KIAA1191: variants seen among roughly 807,000 people sequenced by gnomAD.
KIAA1191 encodes the protein putative monooxygenase p33MONOX.
KIAA1191 carries 22 observed loss-of-function variants against 31.1 expected under a neutral mutation model. That is an observed-to-expected ratio of 0.71 (90% CI 0.51 to 1.01). The LOEUF (loss-of-function observed/expected upper bound fraction) is 1.01, where lower values mean the gene tolerates loss of function less well. Ranked by LOEUF, KIAA1191 falls within the 50% of genes least tolerant of loss-of-function variation. The pLI is 0.00. For synonymous variants in KIAA1191, 130 were observed against 143.9 expected (o/e 0.90, Z 0.69); for missense variants, 319 against 388.0 (o/e 0.82, Z 1.49).
Position 176,348,373 on chromosome 5 carries a change from GAA to G in KIAA1191, c.460-19_460-18del. On this transcript the variant is annotated intron_variant, in intron 6 of 8. Transcript: ENST00000298569. ...CTTTAGTTTCTGCTCAGATGGGTAA[GAA>G]GAGAGACTTTTTAAAAATGAAAGCA... 6.3e-7 allele frequency: 1 copy of G among 1,583,542 alleles called. No homozygotes were observed. The highest frequency in any genetic ancestry group is 1.4e-5 in the African/African-American group (1 of 73,970).
intron 4 of KIAA1191, chr5:176,354,170 C>T (rs1767292921): frequency 6.6e-6 from 1 of 152,300 alleles, no homozygotes; most frequent in African/African-American, 2.4e-5. Context: ...CAACCCTTTA[C>T]ATCCCCTGAC....
In KIAA1191 at chr5:176,361,742, A is replaced by G. The variant is rs1717738538; in HGVS notation, c.-308T>C. 1 of 152,422 alleles carries G rather than the reference A, an allele frequency of 6.6e-6. No individual in the cohort carries two copies. Among genetic ancestry groups the G allele is most frequent in the East Asian group, 1.9e-4 (1 of 5,198 alleles). 9.4% of individuals were successfully genotyped at this position (152,422 alleles called of 1,614,324 possible). A position where few individuals can be genotyped will look rare whatever the true frequency, so the allele number is the denominator to read the frequency against. ...AGCGGCGGCGATTTCGAAGGTCCCC[A>G]AGACCCACTAGGTAGCAGTACCACC... On this transcript the variant is annotated 5_prime_UTR_variant, in exon 1 of 9. Coordinates refer to ENST00000298569, the MANE Select transcript of KIAA1191 (RefSeq NM_020444.5). The surrounding 1 kb of genome is among the most constrained non-coding windows in gnomAD (Gnocchi z 4.0).
Position 176,355,541 on chromosome 5 carries a change from A to G in KIAA1191, c.207+30T>C, listed in dbSNP as rs562523266. 1 of 1,595,776 alleles carries G rather than the reference A, an allele frequency of 6.3e-7. No homozygotes were observed. The highest frequency in any genetic ancestry group is 8.6e-7 in the Non-Finnish European group (1 of 1,167,846). ...CAGAGGAAGGACAAAGGGGTTGCGT[A>G]TGCCAGAAATGGCCAGCAGGGTCAG... On this transcript the variant is annotated intron_variant, in intron 4 of 8. Transcript: ENST00000298569. This position sits in a 1 kb window ranked among gnomAD's most constrained non-coding sequence, Gnocchi z 4.2.
At chr5:176,353,281 A>C (rs1004825305) in intron 4 of KIAA1191, 1 of 152,326 alleles carries the variant, frequency 6.6e-6, no homozygotes, top group Non-Finnish European at 1.5e-5. Context: ...CGGTCCCAAG[A>C]CCACACCTTG....
rs769350297 is a variant in KIAA1191 at position 176,352,704 on chromosome 5, C to T, written c.252G>A (p.Leu84=). 8 of 1,613,882 alleles carry T rather than the reference C, an allele frequency of 5.0e-6. No individual in the cohort carries two copies. The highest frequency in any genetic ancestry group is 6.8e-6 in the Non-Finnish European group (8 of 1,179,914). The change falls in exon 5 of 9, where the codon CTG becomes CTA. Residue 84 remains leucine, a synonymous_variant. Coordinates refer to ENST00000298569, the MANE Select transcript of KIAA1191 (RefSeq NM_020444.5). ...TGTCCACACTGTCAATGGCTGATGA[C>T]AGGGTCATGGCAGGGGAGGGTAGAC... ...EASLPSPAMT[L]SSAIDSVDKV... is the part of the protein sequence containing the mutation.
rs1767088332 is a variant in KIAA1191 at position 176,352,179 on chromosome 5, AC to A, written c.334+442del. Reference sequence around the variant, plus strand: ...TAAAAAAAAAAAAACAAAAAAAAAAACAAAAACTGGGGTAAGTGGGAAATGC... The same window carrying A: ...TAAAAAAAAAAAAACAAAAAAAAAAAAAAAACTGGGGTAAGTGGGAAATGC... On this transcript the variant is annotated intron_variant, in intron 5 of 8. Transcript: ENST00000298569. Among the ~76,000 whole-genome samples the A allele has an allele frequency of 3.8e-5, 5 of 130,316 alleles. 1 individual carries two copies. The highest frequency in any genetic ancestry group is 2.1e-4 in the East Asian group (1 of 4,824). 85.5% of individuals were successfully genotyped at this position (130,316 alleles called of 152,430 possible). A position where few individuals can be genotyped will look rare whatever the true frequency, so the allele number is the denominator to read the frequency against.
intron 3 of KIAA1191, among the ~76,000 whole-genome samples, chr5:176,358,112 C>T (rs943460714): frequency 1.3e-5 from 2 of 152,104 alleles, no homozygotes; most frequent in African/African-American, 4.8e-5. Context: ...AAGTAGTCAT[C>T]AATGGTGTCA....
rs1767452046 is a variant in KIAA1191 at position 176,355,680 on chromosome 5, T to C, written c.98A>G (p.Tyr33Cys). ...CGCAGGGTCCTCGAGGGTATCATCA[T>C]AGCTGACTGCCCGGCGGTATATCCC... ...PIGIYRRAVS[Y>C]DDTLEDPAPM... Residue 33 changes from tyrosine (Y) to cysteine (C), a missense_variant, in exon 4 of 9, where the codon TAT (tyrosine) becomes TGT (cysteine). By Grantham distance (194) the Tyr-to-Cys change is radical (BLOSUM62 -2). Transcript: ENST00000298569. This position sits in a 1 kb window ranked among gnomAD's most constrained non-coding sequence, Gnocchi z 4.2. 1 of 1,613,628 alleles carries C rather than the reference T, an allele frequency of 6.2e-7. No individual in the cohort carries two copies. Among genetic ancestry groups the C allele is most frequent in the Non-Finnish European group, 8.5e-7 (1 of 1,180,034 alleles).
intron 5 of KIAA1191, 144 bp downstream of exon 5, chr5:176,352,478 C>A: frequency 1.1e-6 from 1 of 908,274 alleles, no homozygotes. Flanking sequence ...AGCTTCAATA[C>A]TGACATGATT....
chr5:176,359,984 C>G (rs1767855448), intron 1 of KIAA1191, 66 bp from the exon 2 acceptor site: 1 of 161,958 alleles, frequency 6.2e-6, no homozygotes, highest in African/African-American at 2.4e-5. Flanking sequence ...TGTTTATTCC[C>G]CACAACAACC....
At chr5:176,357,924 C>T (rs946139282) in intron 3 of KIAA1191, among the ~76,000 whole-genome samples, 1 of 152,134 alleles carries the variant, frequency 6.6e-6, no homozygotes, top group Non-Finnish European at 1.5e-5. Context: ...GCATTCTGGG[C>T]AGTAAATACA....
intron 4 of KIAA1191, chr5:176,354,530 C>T (rs961816050): frequency 6.6e-6 from 1 of 152,194 alleles, no homozygotes; most frequent in African/African-American, 2.4e-5. Context: ...TAATGCGAAC[C>T]TACGAAACTA....
chr5:176,347,982 G>A lies in KIAA1191; in HGVS notation c.648C>T (p.Asp216=). 1 of 1,614,134 alleles carries A rather than the reference G, an allele frequency of 6.2e-7. No individual in the cohort carries two copies. Among genetic ancestry groups the A allele is most frequent in the Admixed American group, 1.7e-5 (1 of 60,018 alleles). The part of the protein sequence containing the change: ...STMDSGSGDK[D]RNLSDKWSLF... Reference sequence around the variant, plus strand: ...GGCTCCACTTATCTGACAAGTTTCTGTCCTTATCCCCACTTCCAGAGTCCA... The same window carrying A: ...GGCTCCACTTATCTGACAAGTTTCTATCCTTATCCCCACTTCCAGAGTCCA... The change falls in exon 8 of 9, where the codon GAC becomes GAT. Residue 216 remains aspartate (D), a synonymous_variant. Transcript: ENST00000298569.
At chr5:176,354,964 G>T (rs1025124073) in intron 4 of KIAA1191, among the ~76,000 whole-genome samples, 2 of 152,198 alleles carry the variant, frequency 1.3e-5, no homozygotes, top group Non-Finnish European at 2.9e-5. Context: ...GGCAAATGGA[G>T]TGGGAGAAAA....
chr5:176,359,020 C>G (rs1767743585), intron 3 of KIAA1191, among the ~76,000 whole-genome samples: 2 of 138,290 alleles, frequency 1.4e-5, no homozygotes, highest in East Asian at 2.2e-4. Flanking sequence ...GGAGGCGGAG[C>G]TTGCAGTGAG....
Position 176,359,586 on chromosome 5 carries a change from G to A in KIAA1191, c.-59-19C>T. ...CTGCCACCTAATAAAATAACAAAGG[G>A]CATTTTCTTATGGTGAGCAGCACCA... On this transcript the variant is annotated intron_variant, in intron 2 of 8. Coordinates refer to ENST00000298569, the MANE Select transcript of KIAA1191 (RefSeq NM_020444.5). The A allele has an allele frequency of 8.6e-7, 1 of 1,156,688 alleles. No individual in the cohort carries two copies. The allele number at this position is 1,156,688 out of a possible 1,614,324, so 71.7% of individuals were successfully genotyped here.
At position 176,359,465 on chromosome 5, in the gene KIAA1191, A is replaced by G; in HGVS notation, c.28+16T>C. The G allele has an allele frequency of 6.2e-7, 1 of 1,613,322 alleles. No individual in the cohort carries two copies. Among genetic ancestry groups the G allele is most frequent in the Non-Finnish European group, 8.5e-7 (1 of 1,179,384 alleles). On this transcript the variant is annotated intron_variant, in intron 3 of 8. Transcript: ENST00000298569. ...TAAGGGCAAAACATGATTTTACCAA[A>G]AAGAATTAAGTTTACCAGGCACTTC...
chr5:176,359,787 T>A (rs551176430), intron 2 of KIAA1191, 24 bp downstream of exon 2: 1 of 361,212 alleles, frequency 2.8e-6, no homozygotes, highest in South Asian at 3.5e-5. Flanking sequence ...TAAGATGCCA[T>A]ACATGGTGAA....
At chr5:176,354,210 G>A (rs1767296554) in intron 4 of KIAA1191, 1 of 152,190 alleles carries the variant, frequency 6.6e-6, no homozygotes, top group South Asian at 2.1e-4. Context: ...TATGACATAA[G>A]GTATTCCCAA....
Sources: allele counts gnomAD v4.1 joint callset (sites outside exome capture counted in the v4.1 genomes callset), GRCh38; gene constraint gnomAD v4.1.1; non-coding constraint Gnocchi (gnomAD v3.1); transcripts MANE v1.5; gene names NCBI Gene and HGNC (gene_info 2026-07-23, HGNC 2026-07-21).